Variants in ITGB3BP observed in about 807,000 individuals in gnomAD.
The protein encoded by ITGB3BP is centromere protein R.
Under a neutral mutation model 29.1 loss-of-function variants are expected in ITGB3BP, and 27 were observed. That is an observed-to-expected ratio of 0.93 (90% CI 0.68 to 1.28). ITGB3BP has a LOEUF of 1.28. Ranked by LOEUF, ITGB3BP falls within the 50% of genes most tolerant of loss-of-function variation. ITGB3BP has a pLI of 0.00. For synonymous variants in ITGB3BP, 61 were observed against 61.4 expected, an observed-to-expected ratio of 0.99 and a Z score of 0.03; for missense variants, 192 against 200.2, an observed-to-expected ratio of 0.96 and a Z score of 0.25.
At chr1:63,460,690 T>C (rs1456786453) in intron 4 of ITGB3BP, among the ~76,000 whole-genome samples, 1 of 152,220 alleles carries the variant, frequency 6.6e-6, no homozygotes, top group Non-Finnish European at 1.5e-5. Context: ...ATGGTAATTA[T>C]ATGTTTAACT....
intron 1 of ITGB3BP, among the ~76,000 whole-genome samples, chr1:63,519,470 C>A (rs1646403322): frequency 6.6e-6 from 1 of 151,916 alleles, no homozygotes; most frequent in African/African-American, 2.4e-5. Flanking sequence ...CACGCTCAGC[C>A]AAAAAGGCTC....
intron 1 of ITGB3BP, among the ~76,000 whole-genome samples, chr1:63,518,132 A>G (rs191115706): frequency 6.6e-6 from 1 of 152,254 alleles, no homozygotes; most frequent in African/African-American, 2.4e-5. Context: ...AAAGTTTTCG[A>G]TACTAAATAT....
chr1:63,452,074 T>C (rs573597307), intron 7 of ITGB3BP: 3 of 152,174 alleles, frequency 2.0e-5, no homozygotes, highest in East Asian at 1.9e-4. Context: ...CCTAAAATAA[T>C]AGAAAACAGT....
At chr1:63,494,294 T>G (rs1477141984) in intron 2 of ITGB3BP, among the ~76,000 whole-genome samples, 1 of 152,144 alleles carries the variant, frequency 6.6e-6, no homozygotes, top group East Asian at 1.9e-4. Flanking sequence ...AATTTGTGTA[T>G]TTTTAGTAGA....
chr1:63,446,579 C>G (rs182479025), intron 8 of ITGB3BP: 3 of 496,556 alleles, frequency 6.0e-6, no homozygotes, highest in Non-Finnish European at 1.1e-5. Context: ...AAGTTAGCGT[C>G]GTCAGCTCAA....
At chr1:63,470,285 G>A (rs890232557) in intron 4 of ITGB3BP, among the ~76,000 whole-genome samples, 7 of 152,130 alleles carry the variant, frequency 4.6e-5, no homozygotes, top group East Asian at 1.9e-4. Flanking sequence ...GGGTCTCCCC[G>A]ACCGAGCTGG....
At chr1:63,511,031 T>A (rs569515894) in intron 1 of ITGB3BP, among the ~76,000 whole-genome samples, 16 of 152,196 alleles carry the variant, frequency 1.1e-4, no homozygotes, top group Non-Finnish European at 1.8e-4. Context: ...AAGTGATATC[T>A]ATCTGGTAGT....
rs1176925231 is a variant in ITGB3BP at position 63,458,908 on chromosome 1, ACTTC to A, written c.255-3944_255-3941del. 3.9e-5 allele frequency among the ~76,000 whole-genome samples: 6 copies of A among 152,032 alleles called. No individual in the cohort carries two copies. In the South Asian group the frequency reaches 1.2e-3, roughly 32 times the overall value. On this transcript the variant is annotated intron_variant, in intron 4 of 8. Transcript: ENST00000271002. ...CATCCTGCAGTTTTCTCATTTTTTT[ACTTC>A]CTTCTCATATTGTCTTATATATTTT... is the stretch of plus-strand genomic sequence containing the variant.
rs1299808971 is a variant in ITGB3BP at position 63,481,941 on chromosome 1, GAA to G, written c.185-3110_185-3109del. Among the ~76,000 whole-genome samples, 11 of 152,236 alleles carry G rather than the reference GAA, an allele frequency of 7.2e-5. No individual in the cohort carries two copies. The East Asian group carries it at 2.1e-3, about 29-fold the overall frequency. On this transcript the variant is annotated intron_variant, in intron 3 of 8. Transcript: ENST00000271002. ...AGGATTGAAACCCAGACATTTAGCT[GAA>G]GACTGTGCTCTTAACCATGATGCAA...
At chr1:63,482,315 G>A (rs888575587) in intron 3 of ITGB3BP, among the ~76,000 whole-genome samples, 5 of 142,634 alleles carry the variant, frequency 3.5e-5, no homozygotes, top group Non-Finnish European at 7.7e-5. Flanking sequence ...AGCCCAAACA[G>A]GTTTAGGCTG....
At chr1:63,480,070 C>T (rs1557630477) in intron 3 of ITGB3BP, among the ~76,000 whole-genome samples, 1 of 152,102 alleles carries the variant, frequency 6.6e-6, no homozygotes, top group Admixed American at 6.6e-5. Flanking sequence ...AAGTATATCA[C>T]TCATTATTTA....
rs1228876941 is a variant in ITGB3BP, at chr1:63,489,047, TAA to T, written c.184+1034_184+1035del. Reference sequence around the variant, plus strand: ...AATCTCTAAGGCATTTATTTTTAATTAAAAAGATATATCATGCATATAAAAAT... The same window carrying T: ...AATCTCTAAGGCATTTATTTTTAATTAAAGATATATCATGCATATAAAAAT... On this transcript the variant is annotated intron_variant, in intron 3 of 8. Coordinates refer to ENST00000271002, the MANE Select transcript of ITGB3BP (RefSeq NM_014288.5). Among the ~76,000 whole-genome samples, 6 of 152,106 alleles carry T rather than the reference TAA, an allele frequency of 3.9e-5. No homozygotes were observed. In the East Asian group the frequency reaches 1.2e-3, roughly 29 times the overall value.
At chr1:63,516,050 T>G (rs966212868) in intron 1 of ITGB3BP, among the ~76,000 whole-genome samples, 1 of 150,900 alleles carries the variant, frequency 6.6e-6, no homozygotes, top group Non-Finnish European at 1.5e-5. Flanking sequence ...TATGCAGCCA[T>G]AAAAAAGAAT....
intron 2 of ITGB3BP, among the ~76,000 whole-genome samples, chr1:63,505,658 T>C (rs1404105259): frequency 6.6e-6 from 1 of 152,200 alleles, no homozygotes; most frequent in African/African-American, 2.4e-5. Flanking sequence ...TTTAGTGCTA[T>C]AAATTTCCCT....
At chr1:63,453,847 G>C in intron 7 of ITGB3BP, 71 bp downstream of exon 7, 1 of 847,664 alleles carries the variant, frequency 1.2e-6, no homozygotes, top group Admixed American at 2.0e-5. Flanking sequence ...AAGGATTCAT[G>C]ATGATTAGTT....
intron 1 of ITGB3BP, among the ~76,000 whole-genome samples, chr1:63,510,900 C>G (rs1231662991): frequency 6.6e-6 from 1 of 151,978 alleles, no homozygotes; most frequent in Non-Finnish European, 1.5e-5. Flanking sequence ...GATTACTTTA[C>G]TGTTAGTAGG....
intron 4 of ITGB3BP, among the ~76,000 whole-genome samples, chr1:63,471,812 TCTCA>T (rs949146777): frequency 6.6e-6 from 1 of 151,900 alleles, no homozygotes; most frequent in African/African-American, 2.4e-5. Flanking sequence ...TGAGATGGAG[TCTCA>T]CTCTGTCACC....
intron 1 of ITGB3BP, among the ~76,000 whole-genome samples, chr1:63,515,538 C>T (rs1028410110): frequency 6.6e-6 from 1 of 151,944 alleles, no homozygotes; most frequent in Non-Finnish European, 1.5e-5. Flanking sequence ...AATAGAACTA[C>T]CATTCAACGC....
At chr1:63,476,305 A>G (rs1369522119) in intron 4 of ITGB3BP, among the ~76,000 whole-genome samples, 3 of 152,022 alleles carry the variant, frequency 2.0e-5, no homozygotes, top group Non-Finnish European at 4.4e-5. Flanking sequence ...CTGGGACCAC[A>G]GGCGCCTGCC....
Sources: gnomAD v4.1 joint callset for allele counts (sites outside exome capture counted in the v4.1 genomes callset) on GRCh38, gnomAD v4.1.1 for gene constraint, MANE v1.5 for transcripts, NCBI Gene and HGNC (gene_info 2026-07-23, HGNC 2026-07-21) for gene names.